WDR64: variants seen among roughly 807,000 people sequenced by gnomAD.
The protein encoded by WDR64 is WD repeat-containing protein 64.
Under a neutral mutation model 139.3 loss-of-function variants are expected in WDR64, and 112 were observed. That is an observed-to-expected ratio of 0.80 (90% CI 0.69 to 0.94). The LOEUF (loss-of-function observed/expected upper bound fraction) is 0.94. WDR64 is among the 40% of genes least tolerant of loss of function. WDR64 has a pLI of 0.00. For missense variants in WDR64, 1,206 were observed against 1,293.1 expected (o/e 0.93, Z 1.03); for synonymous variants, 444 against 437.7 (o/e 1.01, Z -0.18).
At position 241,784,459 on chromosome 1, in the gene WDR64, G is replaced by A. The variant is rs7533638; in HGVS notation, c.2705+1078G>A. The stretch of plus-strand genomic sequence containing the variant: ...GACGTGAACTTTAACTCAAAGGGGA[G>A]GTAAGTGATAAATGTCAAGAATGAC... On this transcript the variant is annotated intron_variant, in intron 23 of 27. Coordinates refer to ENST00000437684, the MANE Select transcript of WDR64 (RefSeq NM_001367482.1). Among the ~76,000 whole-genome samples, 818 of 152,226 alleles carry A rather than the reference G, an allele frequency of 5.4e-3. 6 individuals are homozygous for A. Among genetic ancestry groups the A allele is most frequent in the African/African-American group, 0.019 (782 of 41,556 alleles).
Position 241,652,316 on chromosome 1 carries a change from A to T in WDR64, c.-169A>T. ...CAGCTTTCCTCCCTGCTAACATCCT[A>T]GTGGCAACTCTTACTCCTACCCGCA... On this transcript the variant is annotated 5_prime_UTR_variant, in exon 1 of 28. Transcript: ENST00000437684. 1.6e-6 allele frequency: 1 copy of T among 611,970 alleles called. No individual in the cohort carries two copies. The highest frequency in any genetic ancestry group is 2.8e-6 in the Non-Finnish European group (1 of 358,494). 37.9% of individuals were successfully genotyped at this position (611,970 alleles called of 1,614,324 possible).
intron 10 of WDR64, among the ~76,000 whole-genome samples, chr1:241,727,923 G>A (rs895669289): frequency 2.0e-5 from 3 of 152,192 alleles, no homozygotes; most frequent in African/African-American, 4.8e-5. Flanking sequence ...ACATAGTGGT[G>A]CAGTGTGATT....
chr1:241,741,457 C>G (rs927108863), intron 11 of WDR64, 59 bp from the exon 12 acceptor site: 20 of 1,498,350 alleles, frequency 1.3e-5, no homozygotes, highest in African/African-American at 7.1e-5. Context: ...TGGCTGAAAC[C>G]CTTTGTGATT....
intron 9 of WDR64, among the ~76,000 whole-genome samples, chr1:241,714,223 C>T (rs552611703): frequency 6.6e-6 from 1 of 152,186 alleles, no homozygotes; most frequent in East Asian, 1.9e-4. Flanking sequence ...AACAGAAACA[C>T]AAACAAACAT....
In WDR64 at chr1:241,756,000, C is replaced by T. The variant is rs148508449; in HGVS notation, c.1771-1283C>T. Among the ~76,000 whole-genome samples the T allele has an allele frequency of 1.2e-3, 180 of 152,212 alleles. 1 individual carries two copies. The East Asian group carries it at 0.032, about 27-fold the overall frequency. ...TAGTTCAAAGTCAGGGAGTGTGATG[C>T]CTCCAGCTTTGTTCTTTTTGCTTAG... On this transcript the variant is annotated intron_variant, in intron 14 of 27. Coordinates refer to ENST00000437684, the MANE Select transcript of WDR64 (RefSeq NM_001367482.1).
chr1:241,713,505 AAAAG>A (rs368186655), intron 9 of WDR64, among the ~76,000 whole-genome samples: 1,825 of 129,908 alleles, frequency 0.014, 45 homozygotes, highest in African/African-American at 0.055. Context: ...ACGGAAAGAA[AAAAG>A]AAAGAAAGAA....
In WDR64 at chr1:241,769,472, T is replaced by C. The variant is rs1237323170; in HGVS notation, c.2150T>C (p.Ile717Thr). 6 of 1,551,428 alleles carry C rather than the reference T, an allele frequency of 3.9e-6. No individual in the cohort carries two copies. Among genetic ancestry groups the C allele is most frequent in the Non-Finnish European group, 4.4e-6 (5 of 1,146,972 alleles). ...CCCAAGCACTTTAAAATTAATGACA[T>C]ACTGTTCCTCTTTCGTACCCCTGAA... is the stretch of plus-strand genomic sequence containing the variant. ...LHPKHFKIND[I>T]LFLFRTPECA... is the part of the protein sequence containing the mutation. Residue 717 changes from isoleucine to threonine, a missense_variant, in exon 17 of 28, where the codon ATA becomes ACA. Physicochemically the swap from Ile to Thr is moderately conservative, Grantham distance 89 (BLOSUM62 -1). Transcript: ENST00000437684.
chr1:241,727,411 A>G (rs1230688933), intron 10 of WDR64, among the ~76,000 whole-genome samples: 1 of 152,192 alleles, frequency 6.6e-6, no homozygotes, highest in Non-Finnish European at 1.5e-5. Flanking sequence ...TATTAAGATG[A>G]TACTCATTCA....
intron 9 of WDR64, among the ~76,000 whole-genome samples, chr1:241,720,932 T>C (rs1668585391): frequency 6.6e-6 from 1 of 152,198 alleles, no homozygotes; most frequent in Non-Finnish European, 1.5e-5. Flanking sequence ...TTTTGGGGTT[T>C]ACATTCAAGT....
At chr1:241,770,448 A>G in intron 17 of WDR64, 173 bp from the exon 18 acceptor site, 1 of 528,490 alleles carries the variant, frequency 1.9e-6, no homozygotes, top group South Asian at 3.4e-5. Flanking sequence ...CCAATATCAT[A>G]CTGGTCAACA....
At chr1:241,660,418 T>C in intron 1 of WDR64, 112 bp from the exon 2 acceptor site, 1 of 1,345,554 alleles carries the variant, frequency 7.4e-7, no homozygotes, top group South Asian at 1.5e-5. Flanking sequence ...TATATCTGGT[T>C]TTTATAGATT....
At chr1:241,743,436 C>T (rs1669628293) in intron 12 of WDR64, among the ~76,000 whole-genome samples, 1 of 152,192 alleles carries the variant, frequency 6.6e-6, no homozygotes, top group Non-Finnish European at 1.5e-5. Context: ...TCTACCACTT[C>T]CCGGCAAGTG....
At chr1:241,732,533 T>C (rs965651144) in intron 10 of WDR64, among the ~76,000 whole-genome samples, 1 of 152,138 alleles carries the variant, frequency 6.6e-6, no homozygotes, top group African/African-American at 2.4e-5. Flanking sequence ...AAAAAACAGA[T>C]ACCTGGCTGG....
intron 2 of WDR64, among the ~76,000 whole-genome samples, chr1:241,662,876 C>T (rs537415116): frequency 2.6e-5 from 4 of 152,050 alleles, no homozygotes; most frequent in Non-Finnish European, 5.9e-5. Context: ...GTAAGCAATG[C>T]AAACAGAAGG....
chr1:241,717,485 C>T lies in WDR64; in HGVS notation c.1054+5604C>T, dbSNP rs886748913. Among the ~76,000 whole-genome samples the T allele has an allele frequency of 2.6e-5, 4 of 151,912 alleles. No homozygotes were observed. In the East Asian group the frequency reaches 7.7e-4, roughly 29 times the overall value. On this transcript the variant is annotated intron_variant, in intron 9 of 27. Transcript: ENST00000437684. ...TCCTGCTTTTTTGTGTGAACTAAGC[C>T]CGCTCATCTCATCAAGAGTGATGCA...
At chr1:241,735,036 A>G (rs1669243751) in intron 10 of WDR64, among the ~76,000 whole-genome samples, 1 of 152,176 alleles carries the variant, frequency 6.6e-6, no homozygotes, top group African/African-American at 2.4e-5. Flanking sequence ...TTGTTTAAAG[A>G]TTAATTTTTT....
chr1:241,759,015 T>C (rs982626521), intron 15 of WDR64, among the ~76,000 whole-genome samples: 19 of 152,142 alleles, frequency 1.2e-4, no homozygotes, highest in Non-Finnish European at 2.5e-4. Flanking sequence ...TTTTATATCT[T>C]TCTCTCGGAA....
intron 7 of WDR64, among the ~76,000 whole-genome samples, chr1:241,683,992 T>C (rs1295514408): frequency 6.6e-6 from 1 of 151,670 alleles, no homozygotes; most frequent in Non-Finnish European, 1.5e-5. Context: ...TTGAGTAGAT[T>C]GAAAAGTTAA....
chr1:241,658,894 A>G (rs1665716416), intron 1 of WDR64, among the ~76,000 whole-genome samples: 1 of 111,138 alleles, frequency 9.0e-6, no homozygotes, highest in Admixed American at 1.1e-4. Context: ...GTTTGTAAAC[A>G]CAAGATCTTT....
Sources: allele counts gnomAD v4.1 joint callset (sites outside exome capture counted in the v4.1 genomes callset), GRCh38; gene constraint gnomAD v4.1.1; transcripts MANE v1.5; gene names NCBI Gene and HGNC (gene_info 2026-07-23, HGNC 2026-07-21).